The following FANCM variants were observed in gnomAD, a reference collection of about 807,000 sequenced individuals.
FANCM encodes Fanconi anemia group M protein.
Under a neutral mutation model 199.5 loss-of-function variants are expected in FANCM, and 140 were observed. The observed-to-expected ratio is 0.70, with a 90% CI of 0.61 to 0.81. The LOEUF is 0.81. FANCM is among the 30% of genes least tolerant of loss of function. The pLI, the probability that FANCM is intolerant of heterozygous loss-of-function variation, is 0.00. For missense variants in FANCM, 2,410 were observed against 2,421.4 expected (o/e 1.00, Z 0.10); for synonymous variants, 840 against 836.8 (o/e 1.00, Z -0.07).
At position 45,160,807 on chromosome 14, in the gene FANCM, C is replaced by T. The variant is rs1198399746; in HGVS notation, c.1581+1527C>T. ...CCGCCCGCCTCGGCCTCCCAAAGTG[C>T]TGGGATTACAGGCGTGAGCCATGGT... is the stretch of plus-strand genomic sequence containing the variant. On this transcript the variant is annotated intron_variant, in intron 9 of 22. Transcript: ENST00000267430. 3.9e-5 allele frequency among the ~76,000 whole-genome samples: 6 copies of T among 152,288 alleles called. No individual in the cohort carries two copies. In the East Asian group the frequency reaches 1.2e-3, roughly 29 times the overall value.
At chr14:45,160,144 C>T (rs1197320910) in intron 9 of FANCM, among the ~76,000 whole-genome samples, 1 of 149,666 alleles carries the variant, frequency 6.7e-6, no homozygotes, top group African/African-American at 2.5e-5. Context: ...GGATTACAGG[C>T]ACCCACGCCT....
chr14:45,143,305 T>C lies in FANCM; in HGVS notation c.759+2596T>C, dbSNP rs559185598. Among the ~76,000 whole-genome samples, 3 of 152,050 alleles carry C rather than the reference T, an allele frequency of 2.0e-5. No homozygotes were observed. The East Asian group carries it at 5.8e-4, about 29-fold the overall frequency. On this transcript the variant is annotated intron_variant, in intron 3 of 22. Transcript: ENST00000267430. ...CGTCAGCCTCCTGAGGAGCTGGGACTACAGGTGCCTGCCACCACACCCAGC... is the reference window on the plus strand; with the variant it reads ...CGTCAGCCTCCTGAGGAGCTGGGACCACAGGTGCCTGCCACCACACCCAGC...
chr14:45,194,227 G>A (rs1014700914), intron 20 of FANCM, among the ~76,000 whole-genome samples: 2 of 151,494 alleles, frequency 1.3e-5, no homozygotes, highest in Non-Finnish European at 2.9e-5. Context: ...GCTTGAACCC[G>A]GTAGGCAGAG....
At chr14:45,153,828 A>G in intron 5 of FANCM, 92 bp from the exon 6 acceptor site, 1 of 948,058 alleles carries the variant, frequency 1.1e-6, no homozygotes, top group South Asian at 1.3e-5. Flanking sequence ...TATATTATAA[A>G]TGTTACACTG....
chr14:45,150,376 T>C (rs1886729990), intron 4 of FANCM, among the ~76,000 whole-genome samples: 1 of 152,194 alleles, frequency 6.6e-6, no homozygotes, highest in Non-Finnish European at 1.5e-5. Context: ...TAATTTAATT[T>C]TGTTAGTATT....
Position 45,183,819 on chromosome 14 carries a change from T to C in FANCM, c.4432T>C (p.Cys1478Arg). The C allele has an allele frequency of 2.5e-6, 4 of 1,609,514 alleles. No homozygotes were observed. The highest frequency in any genetic ancestry group is 2.6e-6 in the Non-Finnish European group (3 of 1,176,154). Residue 1478 changes from cysteine (C) to arginine (R), a missense_variant, in exon 17 of 23, where the codon TGT becomes CGT. By Grantham distance (180) the Cys-to-Arg change is radical. Transcript: ENST00000267430. ...TGAGAGTGAGAATTTTCCCAAACCA[T>C]GTTCACAATTAGAAGACTTCAAGGT... The part of the protein sequence containing the change: ...SDESENFPKP[C>R]SQLEDFKVCN...
At chr14:45,186,334 T>C (rs1194121789) in intron 18 of FANCM, among the ~76,000 whole-genome samples, 3 of 152,226 alleles carry the variant, frequency 2.0e-5, no homozygotes, top group Admixed American at 6.5e-5. Flanking sequence ...AAATTTGCCA[T>C]GTAAGGGCAG....
At position 45,185,305 on chromosome 14, in the gene FANCM, A is replaced by G. The variant is rs745362932; in HGVS notation, c.4604A>G (p.Glu1535Gly). Residue 1535 changes from glutamate (E) to glycine (G), a missense_variant, in exon 18 of 23, where the codon GAA becomes GGA. By Grantham distance (98) the Glu-to-Gly change is moderately conservative. Coordinates refer to ENST00000267430, the MANE Select transcript of FANCM (RefSeq NM_020937.4). ...TCATCAGATGAAAATGATGAGTCAG[A>G]AAATGAACAAGATTCCTCATTACTT... is the stretch of plus-strand genomic sequence containing the variant. ...YVSSDENDES[E>G]NEQDSSLLDF... 5.6e-6 allele frequency: 9 copies of G among 1,598,118 alleles called. No individual in the cohort carries two copies. The highest frequency in any genetic ancestry group is 7.7e-6 in the Non-Finnish European group (9 of 1,167,492).
chr14:45,148,200 A>ACACACACAC (rs1566731408), intron 3 of FANCM, among the ~76,000 whole-genome samples: 2,592 of 142,380 alleles, frequency 0.018, 42 homozygotes, highest in Admixed American at 0.042. Flanking sequence ...CCGTCTCAAA[A>ACACACACAC]ACACACACAC....
At chr14:45,170,810 G>A in intron 12 of FANCM, 64 bp downstream of exon 12, 1 of 1,331,162 alleles carries the variant, frequency 7.5e-7, no homozygotes, top group Admixed American at 1.7e-5. Flanking sequence ...GAACCCCTCA[G>A]ATGTTCTTTA....
intron 10 of FANCM, among the ~76,000 whole-genome samples, chr14:45,165,576 A>T (rs1887913432): frequency 6.6e-6 from 1 of 152,198 alleles, no homozygotes; most frequent in African/African-American, 2.4e-5. Context: ...CTGATTTTAA[A>T]TATTTTATAT....
intron 5 of FANCM, among the ~76,000 whole-genome samples, chr14:45,151,877 G>T (rs1184056328): frequency 7.0e-6 from 1 of 142,468 alleles, no homozygotes; most frequent in African/African-American, 2.7e-5. Context: ...TTGCAGCATT[G>T]CATTCTAGCC....
chr14:45,141,965 TA>T (rs1450945555), intron 3 of FANCM, among the ~76,000 whole-genome samples: 2 of 152,090 alleles, frequency 1.3e-5, no homozygotes, highest in African/African-American at 4.8e-5. Context: ...AAATACAGGA[TA>T]TTTTTAAATA....
At chr14:45,162,869 T>G (rs189895477) in intron 9 of FANCM, among the ~76,000 whole-genome samples, 4,327 of 152,298 alleles carry the variant, frequency 0.028, 221 homozygotes, top group African/African-American at 0.098. Flanking sequence ...GTGGCCTTTT[T>G]TTTTTCTTTA....
intron 16 of FANCM, among the ~76,000 whole-genome samples, chr14:45,183,026 T>C (rs957941325): frequency 5.9e-5 from 9 of 152,164 alleles, no homozygotes; most frequent in Admixed American, 2.0e-4. Flanking sequence ...ACTTTTGCAC[T>C]ATGGAGAGGT....
intron 2 of FANCM, chr14:45,138,008 A>G (rs1885643890): frequency 6.6e-6 from 1 of 152,086 alleles, no homozygotes; most frequent in Admixed American, 6.6e-5. Flanking sequence ...TCTGACTTGG[A>G]AAACTGTGAA....
chr14:45,198,565 T>G, intron 21 of FANCM, 79 bp from the exon 22 acceptor site: 1 of 839,582 alleles, frequency 1.2e-6, no homozygotes, highest in Non-Finnish European at 1.7e-6. Flanking sequence ...TCTTGGGATT[T>G]TAATAAAATA....
chr14:45,177,087 T>C (rs1888760282), intron 14 of FANCM, 111 bp downstream of exon 14: 3 of 675,820 alleles, frequency 4.4e-6, no homozygotes, highest in East Asian at 2.7e-5. Context: ...AATATAAATA[T>C]TGAATTAGAT....
chr14:45,190,394 TG>T (rs1464526782), intron 20 of FANCM, among the ~76,000 whole-genome samples: 1 of 152,218 alleles, frequency 6.6e-6, no homozygotes, highest in Non-Finnish European at 1.5e-5. Context: ...GTATACATTG[TG>T]GAATGGCTAG....
Sources: gnomAD v4.1 joint callset for allele counts (sites outside exome capture counted in the v4.1 genomes callset) on GRCh38, gnomAD v4.1.1 for gene constraint, MANE v1.5 for transcripts, NCBI Gene and HGNC (gene_info 2026-07-23, HGNC 2026-07-21) for gene names.